Variants in SORBS2 observed in about 807,000 individuals in gnomAD.
SORBS2 encodes sorbin and SH3 domain-containing protein 2.
SORBS2 carries 46 observed loss-of-function variants against 97.7 expected under a neutral mutation model. The observed-to-expected ratio is 0.47, with a 90% CI of 0.37 to 0.60. SORBS2 has a LOEUF of 0.60. Among genes scored for constraint, SORBS2 ranks in the 20% least tolerant of loss-of-function variants. The pLI is 0.00. For missense variants in SORBS2, 1,316 were observed against 1,282.3 expected, an observed-to-expected ratio of 1.03 and a Z score of -0.40; for synonymous variants, 476 against 473.4, an observed-to-expected ratio of 1.01 and a Z score of -0.07.
chr4:185,822,800 GC>G lies in SORBS2; in HGVS notation c.-337-47435del, dbSNP rs1220683580. 1.1e-4 allele frequency among the ~76,000 whole-genome samples: 17 copies of G among 152,160 alleles called. No individual in the cohort carries two copies. The South Asian group carries it at 3.1e-3, about 28-fold the overall frequency. ...CCCCTTGCCTAGAGTTTCAGAGTGCGCTCAGCATTCTGAGAGTTCTGAGAAC... is the reference window on the plus strand; with the variant it reads ...CCCCTTGCCTAGAGTTTCAGAGTGCGTCAGCATTCTGAGAGTTCTGAGAAC... On this transcript the variant is annotated intron_variant, in intron 1 of 20. Transcript: ENST00000284776.
At position 185,938,297 on chromosome 4, in the gene SORBS2, C is replaced by T. The variant is rs533925497; in HGVS notation, c.-338+17899G>A. On this transcript the variant is annotated intron_variant, in intron 1 of 20. Transcript: ENST00000284776. ...ACAGGCGTGAGCCACCACGCCTGAC[C>T]AAGAAATTATTCTTAACATTTTGTA... Among the ~76,000 whole-genome samples, 13 of 150,994 alleles carry T rather than the reference C, an allele frequency of 8.6e-5. No homozygotes were observed. In the South Asian group the frequency reaches 1.5e-3, roughly 17 times the overall value.
chr4:185,846,089 C>G (rs573993622), intron 1 of SORBS2, among the ~76,000 whole-genome samples: 6 of 152,288 alleles, frequency 3.9e-5, no homozygotes, highest in African/African-American at 1.4e-4. Context: ...CATACAAAAA[C>G]CTGAAAGTGA....
chr4:185,670,099 A>G (rs1053523334), intron 4 of SORBS2, among the ~76,000 whole-genome samples: 11 of 151,996 alleles, frequency 7.2e-5, no homozygotes, highest in African/African-American at 1.7e-4. Flanking sequence ...GGTGCCTGTA[A>G]TCCCAGCTAC....
chr4:185,629,315 G>A lies in SORBS2; in HGVS notation c.446+1234C>T, dbSNP rs143839026. Among the ~76,000 whole-genome samples, 31 of 152,118 alleles carry A rather than the reference G, an allele frequency of 2.0e-4. No individual in the cohort carries two copies. The East Asian group carries it at 5.8e-3, about 28-fold the overall frequency. On this transcript the variant is annotated intron_variant, in intron 5 of 14. Transcript: ENST00000418609. ...AAAACTCTAAAATTCAAATATTTTA[G>A]GTGCATAGATAGAGGCAGAAGATAA...
intron 1 of SORBS2, among the ~76,000 whole-genome samples, chr4:185,828,927 C>T (rs1327242309): frequency 1.3e-5 from 2 of 152,184 alleles, no homozygotes; most frequent in Non-Finnish European, 2.9e-5. Flanking sequence ...TGGAATCTGC[C>T]TTCTCACAGC....
chr4:185,730,782 A>G (rs2098614001), intron 2 of SORBS2, among the ~76,000 whole-genome samples: 1 of 152,216 alleles, frequency 6.6e-6, no homozygotes, highest in Admixed American at 6.5e-5. Flanking sequence ...CGTTAAATGC[A>G]GCTGTGCCTT....
upstream of SORBS2, among the ~76,000 whole-genome samples, chr4:185,658,156 C>T (rs1414476057): frequency 6.6e-6 from 1 of 152,056 alleles, no homozygotes; most frequent in Non-Finnish European, 1.5e-5. Context: ...TCTTCACATC[C>T]AAGCCTTTGG....
chr4:185,879,174 C>CT lies in SORBS2; in HGVS notation c.-338+77021_-338+77022insA, dbSNP rs1554045454. ...CTCCTAATGCTATCCCTCCCCCCCC[C>CT]CCACCCCACGACAGGCCCCGGTGTG... On this transcript the variant is annotated intron_variant, in intron 1 of 20. Transcript: ENST00000284776. Among the ~76,000 whole-genome samples the CT allele has an allele frequency of 5.4e-5, 6 of 111,594 alleles. 1 individual carries two copies. The highest frequency in any genetic ancestry group is 1.3e-4 in the African/African-American group (3 of 23,622). The allele number at this position is 111,594 out of a possible 152,430, so 73.2% of individuals were successfully genotyped here.
chr4:185,789,600 T>C (rs540587628), intron 1 of SORBS2, among the ~76,000 whole-genome samples: 2 of 151,498 alleles, frequency 1.3e-5, no homozygotes, highest in East Asian at 3.9e-4. Flanking sequence ...TTATTAAATA[T>C]AATTTTAGCA....
intron 1 of SORBS2, among the ~76,000 whole-genome samples, chr4:185,839,983 A>C (rs920176382): frequency 1.6e-5 from 2 of 122,106 alleles, no homozygotes; most frequent in African/African-American, 2.8e-5. Flanking sequence ...GCCTCTCAGC[A>C]TGAGTCTTAC....
chr4:185,741,334 A>C (rs563818519), intron 2 of SORBS2, among the ~76,000 whole-genome samples: 80 of 150,584 alleles, frequency 5.3e-4, no homozygotes, highest in Non-Finnish European at 8.6e-4. Context: ...CTGCAATTGC[A>C]TTAGGAACAG....
At chr4:185,714,838 A>C (rs2098452701) in intron 2 of SORBS2, among the ~76,000 whole-genome samples, 1 of 152,186 alleles carries the variant, frequency 6.6e-6, no homozygotes, top group African/African-American at 2.4e-5. Context: ...CCCTTGACAC[A>C]TGGGGATTAT....
chr4:185,602,534 A>G (rs2096286949), intron 12 of SORBS2, among the ~76,000 whole-genome samples: 1 of 152,214 alleles, frequency 6.6e-6, no homozygotes, highest in East Asian at 1.9e-4. Flanking sequence ...AAAGAATGAA[A>G]TTGCACTGAC....
At chr4:185,646,715 A>T (rs1293319933) in exon 4 of SORBS2, 1 of 1,613,958 alleles carries the variant, frequency 6.2e-7, no homozygotes. Context: ...TCATATTCAA[A>T]AATACTCCTT....
chr4:185,816,280 C>T (rs572863113), intron 1 of SORBS2, among the ~76,000 whole-genome samples: 1 of 152,354 alleles, frequency 6.6e-6, no homozygotes, highest in Non-Finnish European at 1.5e-5. Context: ...GCAGACTCCA[C>T]AGCTGGGACC....
intron 1 of SORBS2, among the ~76,000 whole-genome samples, chr4:185,862,852 T>C (rs186941388): frequency 6.6e-6 from 1 of 152,258 alleles, no homozygotes; most frequent in East Asian, 1.9e-4. Context: ...CTGACACCTC[T>C]GGATTGGTGG....
At chr4:185,618,116 A>G (rs1044008860) in intron 9 of SORBS2, among the ~76,000 whole-genome samples, 24 of 152,190 alleles carry the variant, frequency 1.6e-4, no homozygotes, top group Middle Eastern at 6.8e-3. Context: ...GGGACTATAC[A>G]GGTGTATGCC....
chr4:185,751,938 ACAACTGG>A (rs2098802888), intron 2 of SORBS2, among the ~76,000 whole-genome samples: 1 of 152,078 alleles, frequency 6.6e-6, no homozygotes, highest in Non-Finnish European at 1.5e-5. Context: ...GGAACATTTG[ACAACTGG>A]GAGACAGTTT....
intron 13 of SORBS2, among the ~76,000 whole-genome samples, chr4:185,591,710 G>T (rs1286233010): frequency 6.6e-6 from 1 of 152,104 alleles, no homozygotes; most frequent in Non-Finnish European, 1.5e-5. Flanking sequence ...GAGCTTCTCA[G>T]GCTTGAACCC....
Sources: gnomAD v4.1 joint callset for allele counts (sites outside exome capture counted in the v4.1 genomes callset) on GRCh38, gnomAD v4.1.1 for gene constraint, MANE v1.5 for transcripts, NCBI Gene and HGNC (gene_info 2026-07-23, HGNC 2026-07-21) for gene names.